ATXN7: variants seen among roughly 807,000 people sequenced by gnomAD.
ATXN7 encodes ataxin 7.
In ATXN7, 12 loss-of-function variants were observed where a neutral mutation model predicts 70.5. That is an observed-to-expected ratio of 0.17 (90% CI 0.11 to 0.28). The LOEUF is 0.28. Among genes scored for constraint, ATXN7 ranks in the 10% least tolerant of loss-of-function variants. The pLI is 1.00. For synonymous variants in ATXN7, 498 were observed against 448.7 expected (o/e 1.11, Z -1.39); for missense variants, 1,256 against 1,131.7 (o/e 1.11, Z -1.58).
intron 11 of ATXN7, among the ~76,000 whole-genome samples, chr3:63,993,275 A>ATTTTTTTTTTTTTTTTTT (rs556994956): frequency 8.6e-6 from 1 of 116,014 alleles, no homozygotes; most frequent in African/African-American, 3.3e-5. Flanking sequence ...TTGTTGGTGT[A>ATTTTTTTTTTTTTTTTTT]TTTTTTTTTT....
chr3:63,931,153 G>C (rs1704938414), intron 4 of ATXN7, among the ~76,000 whole-genome samples: 3 of 152,036 alleles, frequency 2.0e-5, no homozygotes, highest in Admixed American at 6.5e-5. Context: ...TGCCCAGGCT[G>C]ATCTTGAACT....
At chr3:63,882,097 T>C (rs1421024664) in intron 1 of ATXN7, among the ~76,000 whole-genome samples, 1 of 152,142 alleles carries the variant, frequency 6.6e-6, no homozygotes, top group African/African-American at 2.4e-5. Flanking sequence ...GGAACCAGCA[T>C]TGTGAGGTGA....
intron 4 of ATXN7, among the ~76,000 whole-genome samples, chr3:63,941,862 C>T (rs1334327332): frequency 2.6e-5 from 4 of 152,152 alleles, no homozygotes; most frequent in Non-Finnish European, 5.9e-5. Context: ...GAGACTAAAG[C>T]TCACTTAACA....
At chr3:63,957,444 C>A (rs2075058701) in intron 5 of ATXN7, among the ~76,000 whole-genome samples, 1 of 152,146 alleles carries the variant, frequency 6.6e-6, no homozygotes, top group Non-Finnish European at 1.5e-5. Context: ...TGACTTAATT[C>A]CACTTAGTAT....
At chr3:63,932,551 A>G (rs769367878) in intron 4 of ATXN7, among the ~76,000 whole-genome samples, 1 of 152,166 alleles carries the variant, frequency 6.6e-6, no homozygotes, top group Non-Finnish European at 1.5e-5. Flanking sequence ...ATTGATTGCC[A>G]TTGCCCTTAG....
At position 63,929,861 on chromosome 3, in the gene ATXN7, G is replaced by A. The variant is rs1430471999; in HGVS notation, c.394+16636G>A. On this transcript the variant is annotated intron_variant, in intron 4 of 12. Coordinates refer to ENST00000674280, the MANE Select transcript of ATXN7 (RefSeq NM_001377405.1). Reference sequence around the variant, plus strand: ...CGATGGGAGTTTGCTCAAAGACCAGGCCAGCTTGCTCTCTCTGACCGCAGA... The same window carrying A: ...CGATGGGAGTTTGCTCAAAGACCAGACCAGCTTGCTCTCTCTGACCGCAGA... 2.6e-5 allele frequency among the ~76,000 whole-genome samples: 4 copies of A among 152,164 alleles called. No individual in the cohort carries two copies. The South Asian group carries it at 6.2e-4, about 24-fold the overall frequency.
chr3:63,987,663 A>G (rs553515008), intron 8 of ATXN7, among the ~76,000 whole-genome samples: 3 of 152,292 alleles, frequency 2.0e-5, no homozygotes, highest in East Asian at 1.9e-4. Context: ...TTAACATTCA[A>G]AATTTTAAAT....
At chr3:63,906,765 A>T (rs72880305) in intron 2 of ATXN7, among the ~76,000 whole-genome samples, 3,766 of 152,210 alleles carry the variant, frequency 0.025, 167 homozygotes, top group African/African-American at 0.087. Flanking sequence ...AGGCTTGGGA[A>T]CTGGGAGTTG....
intron 5 of ATXN7, among the ~76,000 whole-genome samples, chr3:63,963,211 C>T (rs1012324203): frequency 1.1e-4 from 16 of 152,080 alleles, no homozygotes; most frequent in African/African-American, 3.4e-4. Flanking sequence ...CCACCACACT[C>T]GGCCAGAATT....
intron 1 of ATXN7, among the ~76,000 whole-genome samples, chr3:63,874,220 G>C (rs753550003): frequency 1.3e-5 from 2 of 152,180 alleles, no homozygotes; most frequent in African/African-American, 2.4e-5. Context: ...TTTTTATCCA[G>C]TGCATAGTGA....
chr3:63,883,873 G>T (rs1702993868), intron 1 of ATXN7, among the ~76,000 whole-genome samples: 1 of 151,964 alleles, frequency 6.6e-6, no homozygotes, highest in South Asian at 2.1e-4. Context: ...TTTTTCTCCT[G>T]GGGGAGGTTG....
At chr3:63,985,378 C>T (rs1296127759) in intron 8 of ATXN7, among the ~76,000 whole-genome samples, 2 of 152,204 alleles carry the variant, frequency 1.3e-5, no homozygotes, top group Non-Finnish European at 2.9e-5. Flanking sequence ...TCTTGAGACC[C>T]AGCTTGTCAT....
At chr3:63,997,183 G>A (rs1316195280) in intron 12 of ATXN7, among the ~76,000 whole-genome samples, 2 of 152,136 alleles carry the variant, frequency 1.3e-5, no homozygotes, top group Admixed American at 1.3e-4. Context: ...GCTTGAACAC[G>A]GGAGGCGGAA....
At chr3:63,899,861 CCCT>C (rs1191256644) in intron 2 of ATXN7, among the ~76,000 whole-genome samples, 1 of 152,160 alleles carries the variant, frequency 6.6e-6, no homozygotes, top group Non-Finnish European at 1.5e-5. Context: ...TCGCGATCTG[CCCT>C]CCTCGGCCTC....
rs1362581256 is a variant in ATXN7 at position 63,864,102 on chromosome 3, C to CA, written c.-166dup. Among the ~76,000 whole-genome samples the CA allele has an allele frequency of 2.7e-5, 4 of 146,708 alleles. No individual in the cohort carries two copies. The highest frequency in any genetic ancestry group is 9.8e-5 in the African/African-American group (4 of 40,720). On this transcript the variant is annotated 5_prime_UTR_variant, in exon 1 of 13. The change creates a premature stop within an existing upstream ORF in the 5' untranslated region. Transcript: ENST00000674280. Reference sequence around the variant, plus strand: ...GCCCGGGCTCCCGCCGCCCCCCTTGCAGCCCCCGCCCGGCCCACGCCCAGA... The same window carrying CA: ...GCCCGGGCTCCCGCCGCCCCCCTTGCAAGCCCCCGCCCGGCCCACGCCCAGA...
chr3:63,924,681 A>T (rs879765627), intron 4 of ATXN7, among the ~76,000 whole-genome samples: 4 of 152,208 alleles, frequency 2.6e-5, no homozygotes, highest in Non-Finnish European at 5.9e-5. Context: ...CTTTGACAGT[A>T]TGAAGGTCAT....
At chr3:63,989,125 A>T (rs577187108) in intron 9 of ATXN7, among the ~76,000 whole-genome samples, 1 of 152,322 alleles carries the variant, frequency 6.6e-6, no homozygotes, top group East Asian at 1.9e-4. Context: ...CCCTCGTGGA[A>T]ACCCAGGTGC....
At position 63,943,179 on chromosome 3, in the gene ATXN7, A is replaced by G. The variant is rs184977763; in HGVS notation, c.395-9200A>G. 2.6e-4 allele frequency among the ~76,000 whole-genome samples: 40 copies of G among 152,360 alleles called. 1 individual carries two copies. The highest frequency in any genetic ancestry group is 8.7e-4 in the African/African-American group (36 of 41,576). On this transcript the variant is annotated intron_variant, in intron 4 of 12. Coordinates refer to ENST00000674280, the MANE Select transcript of ATXN7 (RefSeq NM_001377405.1). ...CTCAAGCCTAGAGCCAGGCAGGCAA[A>G]GCATTCCATACAGAGGGAACAGAAC...
At chr3:63,879,749 G>A (rs1283552987) in intron 1 of ATXN7, among the ~76,000 whole-genome samples, 1 of 151,964 alleles carries the variant, frequency 6.6e-6, no homozygotes, top group East Asian at 1.9e-4. Context: ...AAGGCAGAGT[G>A]AATTAGCAAA....
Sources: gnomAD v4.1 joint callset for allele counts (sites outside exome capture counted in the v4.1 genomes callset) on GRCh38, gnomAD v4.1.1 for gene constraint, MANE v1.5 for transcripts, NCBI Gene and HGNC (gene_info 2026-07-23, HGNC 2026-07-21) for gene names.